Variants in PCDH15 observed in about 807,000 individuals in gnomAD.
The protein encoded by PCDH15 is protocadherin related 15, also known as protocadherin-15.
PCDH15 carries 129 observed loss-of-function variants against 178.5 expected under a neutral mutation model. That is an observed-to-expected ratio of 0.72 (90% CI 0.63 to 0.84). PCDH15 has a LOEUF of 0.84. PCDH15 is among the 40% of genes least tolerant of loss of function. PCDH15 has a pLI of 0.00. For synonymous variants in PCDH15, 800 were observed against 732.0 expected (o/e 1.09, Z -1.50); for missense variants, 2,230 against 2,099.9 (o/e 1.06, Z -1.21).
intron 1 of PCDH15, among the ~76,000 whole-genome samples, chr10:54,748,150 C>A (rs1945726488): frequency 6.6e-6 from 1 of 152,006 alleles, no homozygotes; most frequent in African/African-American, 2.4e-5. Flanking sequence ...TTGTCTAGAG[C>A]CCTTCACTCA....
intron 1 of PCDH15, among the ~76,000 whole-genome samples, chr10:55,310,252 T>C (rs1843550869): frequency 6.6e-6 from 1 of 152,200 alleles, no homozygotes; most frequent in Non-Finnish European, 1.5e-5. Context: ...CAGGAAATAT[T>C]TCTATTTTAT....
intron 28 of PCDH15, 59 bp downstream of exon 28, chr10:53,857,116 A>C: frequency 8.2e-7 from 1 of 1,216,388 alleles, no homozygotes; most frequent in Non-Finnish European, 1.2e-6. Context: ...AATTTAAAAA[A>C]TACAGTTAAA....
chr10:55,097,810 T>A (rs918815585), intron 2 of PCDH15, among the ~76,000 whole-genome samples: 2 of 152,112 alleles, frequency 1.3e-5, no homozygotes, highest in African/African-American at 4.8e-5. Flanking sequence ...ATAGCAGTTG[T>A]TGAACTCATT....
intron 21 of PCDH15, among the ~76,000 whole-genome samples, chr10:53,980,419 C>T (rs979804404): frequency 2.7e-5 from 4 of 148,988 alleles, no homozygotes; most frequent in Non-Finnish European, 4.4e-5. Context: ...CATATTTTCA[C>T]GAAAACTTTC....
chr10:53,866,486 A>G (rs2079460506), intron 27 of PCDH15, among the ~76,000 whole-genome samples, 156 bp downstream of exon 27: 1 of 150,406 alleles, frequency 6.6e-6, no homozygotes, highest in African/African-American at 2.4e-5. Flanking sequence ...ATATTTACAT[A>G]TTCCTAAACT....
intron 1 of PCDH15, among the ~76,000 whole-genome samples, chr10:55,211,769 C>T (rs571279054): frequency 3.0e-4 from 46 of 152,002 alleles, no homozygotes; most frequent in Non-Finnish European, 5.4e-4. Flanking sequence ...AAGAAAGTTA[C>T]TATAATGAGT....
intron 2 of PCDH15, among the ~76,000 whole-genome samples, chr10:55,444,970 A>T (rs1839282558): frequency 6.6e-6 from 1 of 152,154 alleles, no homozygotes; most frequent in Non-Finnish European, 1.5e-5. Context: ...TTAATATTTC[A>T]TACTGATTCT....
intron 2 of PCDH15, among the ~76,000 whole-genome samples, chr10:54,544,186 A>G (rs60715682): frequency 0.047 from 7,183 of 152,250 alleles, 572 homozygotes; most frequent in African/African-American, 0.16. Context: ...GTTTAGCAAA[A>G]GGGACTTTGG....
chr10:54,307,536 G>T (rs375289910), intron 8 of PCDH15, among the ~76,000 whole-genome samples: 1 of 151,604 alleles, frequency 6.6e-6, no homozygotes, highest in East Asian at 2.0e-4. Flanking sequence ...ATACCTCCCC[G>T]TCTGACATTT....
intron 1 of PCDH15, among the ~76,000 whole-genome samples, chr10:54,763,955 A>T (rs1948210905): frequency 6.6e-6 from 1 of 151,516 alleles, no homozygotes; most frequent in Non-Finnish European, 1.5e-5. Flanking sequence ...ATGCAAATAT[A>T]ACGTATTAGA....
At chr10:54,047,305 C>T (rs889477155) in intron 18 of PCDH15, among the ~76,000 whole-genome samples, 3 of 148,192 alleles carry the variant, frequency 2.0e-5, no homozygotes, top group African/African-American at 7.6e-5. Context: ...AAGAGATGTG[C>T]TATTTTTTCC....
At chr10:55,206,962 C>T (rs190924894) in intron 1 of PCDH15, among the ~76,000 whole-genome samples, 11 of 151,938 alleles carry the variant, frequency 7.2e-5, no homozygotes, top group African/African-American at 2.7e-4. Flanking sequence ...TAGAGTTAGT[C>T]GGGTTCAGAT....
chr10:54,628,415 G>A (rs1283713251), intron 2 of PCDH15, among the ~76,000 whole-genome samples: 1 of 151,884 alleles, frequency 6.6e-6, no homozygotes, highest in East Asian at 1.9e-4. Flanking sequence ...TCACTTTATT[G>A]TCTCTAAAAT....
At chr10:55,498,969 G>C (rs2132136834) in intron 2 of PCDH15, among the ~76,000 whole-genome samples, 1 of 151,976 alleles carries the variant, frequency 6.6e-6, no homozygotes, top group South Asian at 2.1e-4. Flanking sequence ...GTATCCTCTA[G>C]GAGTTGAAAA....
chr10:54,729,946 G>A (rs1347475199), intron 1 of PCDH15, among the ~76,000 whole-genome samples: 6 of 151,576 alleles, frequency 4.0e-5, no homozygotes, highest in Non-Finnish European at 8.9e-5. Flanking sequence ...AAACACCGCT[G>A]GTAGGAGTGC....
intron 8 of PCDH15, among the ~76,000 whole-genome samples, chr10:54,263,406 T>G (rs2057462591): frequency 6.6e-6 from 1 of 152,128 alleles, no homozygotes; most frequent in African/African-American, 2.4e-5. Context: ...CCCAGTGCAC[T>G]GTTGCGGATG....
At chr10:53,994,183 C>T (rs1411762332) in intron 21 of PCDH15, among the ~76,000 whole-genome samples, 1 of 152,220 alleles carries the variant, frequency 6.6e-6, no homozygotes, top group Non-Finnish European at 1.5e-5. Context: ...CCAGGCACCA[C>T]AGTCATTACT....
intron 25 of PCDH15, among the ~76,000 whole-genome samples, chr10:53,928,400 ATC>A (rs1215550582): frequency 6.6e-6 from 1 of 152,104 alleles, no homozygotes; most frequent in Non-Finnish European, 1.5e-5. Flanking sequence ...ACTATGCTAA[ATC>A]TTTAGCAAGT....
In PCDH15 at chr10:54,450,131, AT is replaced by A. The variant is rs1226432266; in HGVS notation, c.158-71190del. On this transcript the variant is annotated intron_variant, in intron 3 of 37. Coordinates refer to ENST00000644397, the MANE Select transcript of PCDH15 (RefSeq NM_001384140.1). ...GCAGATGACTATTCCTTTTTTATAA[AT>A]ATATATATATATATATATATATATA... Among the ~76,000 whole-genome samples, 7 of 8,246 alleles carry A rather than the reference AT, an allele frequency of 8.5e-4. No individual in the cohort carries two copies. In the Admixed American group the frequency reaches 0.012, roughly 15 times the overall value. 5.4% of individuals were successfully genotyped at this position (8,246 alleles called of 152,430 possible).
Sources: gnomAD v4.1 joint callset for allele counts (sites outside exome capture counted in the v4.1 genomes callset) on GRCh38, gnomAD v4.1.1 for gene constraint, MANE v1.5 for transcripts, NCBI Gene and HGNC (gene_info 2026-07-23, HGNC 2026-07-21) for gene names.